BCAS3: variants seen among roughly 807,000 people sequenced by gnomAD.
BCAS3 encodes BCAS4/BCAS3 fusion.
Under a neutral mutation model 116.1 loss-of-function variants are expected in BCAS3, and 53 were observed. The ratio of observed to expected loss-of-function variants is 0.46; its 90% CI spans 0.37 to 0.57. The LOEUF is 0.57. Ranked by LOEUF, BCAS3 falls within the 20% of genes least tolerant of loss-of-function variation. The pLI is 0.00. For missense variants in BCAS3, 917 were observed against 1,165.4 expected (o/e 0.79, Z 3.10); for synonymous variants, 391 against 408.2 (o/e 0.96, Z 0.51).
At chr17:60,752,914 A>G (rs1180948714) in intron 6 of BCAS3, among the ~76,000 whole-genome samples, 1 of 152,044 alleles carries the variant, frequency 6.6e-6, no homozygotes, top group Non-Finnish European at 1.5e-5. Context: ...GTGTGATCCT[A>G]GCTCACTGAA....
intron 5 of BCAS3, among the ~76,000 whole-genome samples, chr17:60,725,972 T>TGCA (rs1229898874): frequency 3.3e-5 from 5 of 152,212 alleles, no homozygotes; most frequent in African/African-American, 1.2e-4. Context: ...CTTGGCTCAC[T>TGCA]GCAGCCTCCA....
rs1432785970 is a variant in BCAS3 at position 61,126,214 on chromosome 17, G to A, written c.2425+41650G>A. On this transcript the variant is annotated intron_variant, in intron 22 of 23. Coordinates refer to ENST00000407086, the MANE Select transcript of BCAS3 (RefSeq NM_017679.5). This position sits in a 1 kb window ranked among gnomAD's most constrained non-coding sequence, Gnocchi z 4.6. ...AATTTTTCCTTGCCCGTTGTGAGCA[G>A]TTTAATTCATTAGAATTGTGTGTGC... Among the ~76,000 whole-genome samples, 1 of 152,150 alleles carries A rather than the reference G, an allele frequency of 6.6e-6. No individual in the cohort carries two copies. Among genetic ancestry groups the A allele is most frequent in the Non-Finnish European group, 1.5e-5 (1 of 68,016 alleles).
chr17:60,694,240 T>C (rs575649624), intron 4 of BCAS3, among the ~76,000 whole-genome samples: 102 of 148,804 alleles, frequency 6.9e-4, no homozygotes, highest in Non-Finnish European at 7.8e-4. Context: ...TGGTGGCTCA[T>C]GCTTGTAATC....
Position 60,754,680 on chromosome 17 carries a change from T to TACAC in BCAS3, c.403+7459_403+7462dup, listed in dbSNP as rs772900751. 3.3e-3 allele frequency among the ~76,000 whole-genome samples: 478 copies of TACAC among 145,380 alleles called. 1 individual carries two copies. Among genetic ancestry groups the TACAC allele is most frequent in the African/African-American group, 0.012 (445 of 36,856 alleles). On this transcript the variant is annotated intron_variant, in intron 6 of 23. Transcript: ENST00000407086. ...AGAAATGCAGATGTAAAATTTAAAA[T>TACAC]ACACACACACACACACACACACACA...
In BCAS3 at chr17:60,872,834, T is replaced by TACAC. The variant is rs748891058; in HGVS notation, c.585-1817_585-1814dup. Among the ~76,000 whole-genome samples, 7 of 150,436 alleles carry TACAC rather than the reference T, an allele frequency of 4.7e-5. 1 individual carries two copies. The South Asian group carries it at 1.5e-3, about 32-fold the overall frequency. On this transcript the variant is annotated intron_variant, in intron 8 of 23. Coordinates refer to ENST00000407086, the MANE Select transcript of BCAS3 (RefSeq NM_017679.5). ...ATATATCTGTATGTATATACACACA[T>TACAC]ACACACACACACACCCCATAAGTAC...
chr17:60,694,583 A>G (rs916187407), intron 4 of BCAS3, among the ~76,000 whole-genome samples: 27 of 151,864 alleles, frequency 1.8e-4, no homozygotes, highest in African/African-American at 6.0e-4. Context: ...GGCTCAAGCC[A>G]TCCTTCTGTC....
At position 61,313,908 on chromosome 17, in the gene BCAS3, G is replaced by A. The variant is rs1310297473; in HGVS notation, c.2426-54419G>A. Among the ~76,000 whole-genome samples, 1 of 152,176 alleles carries A rather than the reference G, an allele frequency of 6.6e-6. No individual in the cohort carries two copies. Among genetic ancestry groups the A allele is most frequent in the Non-Finnish European group, 1.5e-5 (1 of 68,040 alleles). On this transcript the variant is annotated intron_variant, in intron 22 of 23. Coordinates refer to ENST00000407086, the MANE Select transcript of BCAS3 (RefSeq NM_017679.5). The surrounding 1 kb of genome is among the most constrained non-coding windows in gnomAD (Gnocchi z 4.3). ...CTCCTCCACCAGCCCCACTCGCCCGGCCCCATACTTAGTGCTGGCTCCAGA... is the reference window on the plus strand; with the variant it reads ...CTCCTCCACCAGCCCCACTCGCCCGACCCCATACTTAGTGCTGGCTCCAGA...
chr17:60,912,388 T>A (rs2058560812), intron 12 of BCAS3, among the ~76,000 whole-genome samples: 1 of 152,100 alleles, frequency 6.6e-6, no homozygotes. Flanking sequence ...TATGGGTTGG[T>A]GTTGTGATGA....
chr17:61,323,645 A>T lies in BCAS3; in HGVS notation c.2426-44682A>T. 6.6e-6 allele frequency among the ~76,000 whole-genome samples: 1 copy of T among 152,204 alleles called. No individual in the cohort carries two copies. The highest frequency in any genetic ancestry group is 2.1e-4 in the South Asian group (1 of 4,836). Reference sequence around the variant, plus strand: ...GAATTTGGGGAGAAATTGGTGACCAAGGGTCTCCAGTTCCTTCCTCCATAT... The same window carrying T: ...GAATTTGGGGAGAAATTGGTGACCATGGGTCTCCAGTTCCTTCCTCCATAT... On this transcript the variant is annotated intron_variant, in intron 22 of 23. Transcript: ENST00000407086. This position sits in a 1 kb window ranked among gnomAD's most constrained non-coding sequence, Gnocchi z 4.6.
At chr17:60,974,369 A>G (rs1410183240) in intron 14 of BCAS3, among the ~76,000 whole-genome samples, 1 of 152,148 alleles carries the variant, frequency 6.6e-6, no homozygotes, top group African/African-American at 2.4e-5. Context: ...AATTTTTTTA[A>G]GTTTTGATAA....
At chr17:61,320,238 A>G (rs2055096489) in intron 22 of BCAS3, among the ~76,000 whole-genome samples, 1 of 151,916 alleles carries the variant, frequency 6.6e-6, no homozygotes, top group Non-Finnish European at 1.5e-5. Flanking sequence ...TTCCAGTGGA[A>G]TTTGAACTCA....
intron 22 of BCAS3, among the ~76,000 whole-genome samples, chr17:61,085,346 G>A (rs1206525284): frequency 6.6e-6 from 1 of 152,160 alleles, no homozygotes; most frequent in African/African-American, 2.4e-5. Flanking sequence ...CTCGGCGTTA[G>A]TCAAACAGTT....
chr17:60,788,312 C>T (rs2046460409), intron 6 of BCAS3, among the ~76,000 whole-genome samples: 1 of 152,080 alleles, frequency 6.6e-6, no homozygotes, highest in African/African-American at 2.4e-5. Flanking sequence ...AGTTATTTAA[C>T]CTCTCAAGAT....
chr17:60,988,476 CTT>C (rs1427548928), intron 14 of BCAS3, among the ~76,000 whole-genome samples: 1 of 148,802 alleles, frequency 6.7e-6, no homozygotes, highest in Non-Finnish European at 1.5e-5. Flanking sequence ...ATTAGTTCTT[CTT>C]TAGATATTTG....
At chr17:60,768,186 G>C (rs564488401) in intron 6 of BCAS3, among the ~76,000 whole-genome samples, 2 of 152,264 alleles carry the variant, frequency 1.3e-5, no homozygotes, top group African/African-American at 4.8e-5. Context: ...AATATGAGTG[G>C]TATCTGTGAT....
Position 61,109,188 on chromosome 17 carries a change from A to AG in BCAS3, c.2425+24624_2425+24625insG, listed in dbSNP as rs1483216398. On this transcript the variant is annotated intron_variant, in intron 22 of 23. Transcript: ENST00000407086. Reference sequence around the variant, plus strand: ...TGACAGGGTGAGACTTTGTCTCAAAAAAAAAAAAAAAAAAAGAATAATAGT... The same window carrying AG: ...TGACAGGGTGAGACTTTGTCTCAAAAGAAAAAAAAAAAAAAAGAATAATAGT... Among the ~76,000 whole-genome samples, 63 of 150,986 alleles carry AG rather than the reference A, an allele frequency of 4.2e-4. 1 individual carries two copies. The highest frequency in any genetic ancestry group is 1.5e-3 in the African/African-American group (60 of 41,162).
At chr17:61,047,332 A>G (rs913493854) in intron 19 of BCAS3, among the ~76,000 whole-genome samples, 2 of 152,040 alleles carry the variant, frequency 1.3e-5, no homozygotes, top group African/African-American at 4.8e-5. Flanking sequence ...AGGTGGAACG[A>G]TATGAAATTG....
chr17:60,817,855 ATT>A (rs199501753), intron 7 of BCAS3, among the ~76,000 whole-genome samples: 73 of 143,300 alleles, frequency 5.1e-4, no homozygotes, highest in African/African-American at 7.7e-4. Flanking sequence ...AAGCAAAATA[ATT>A]TTTTTTTTTT....
chr17:60,820,299 C>T (rs1275136740), intron 7 of BCAS3, among the ~76,000 whole-genome samples: 1 of 152,148 alleles, frequency 6.6e-6, no homozygotes, highest in Non-Finnish European at 1.5e-5. Flanking sequence ...CCCGCCTTGG[C>T]CTCCCAAAGT....
Sources: allele counts gnomAD v4.1 joint callset (sites outside exome capture counted in the v4.1 genomes callset), GRCh38; gene constraint gnomAD v4.1.1; non-coding constraint Gnocchi (gnomAD v3.1); transcripts MANE v1.5; gene names NCBI Gene and HGNC (gene_info 2026-07-23, HGNC 2026-07-21).